VPS45: variants seen among roughly 807,000 people sequenced by gnomAD.
VPS45 encodes vacuolar protein sorting-associated protein 45.
VPS45 carries 35 observed loss-of-function variants against 75.9 expected under a neutral mutation model. The observed-to-expected ratio is 0.46, with a 90% CI of 0.35 to 0.61. The LOEUF (loss-of-function observed/expected upper bound fraction) is 0.61, where lower values mean the gene tolerates loss of function less well. Ranked by LOEUF, VPS45 falls within the 20% of genes least tolerant of loss-of-function variation. VPS45 has a pLI of 0.00. For missense variants in VPS45, 559 were observed against 685.9 expected, an observed-to-expected ratio of 0.81 and a Z score of 2.07; for synonymous variants, 220 against 238.2, an observed-to-expected ratio of 0.92 and a Z score of 0.70.
At chr1:150,092,933 C>T (rs587774910) in intron 12 of VPS45, among the ~76,000 whole-genome samples, 42 of 144,778 alleles carry the variant, frequency 2.9e-4, no homozygotes, top group Admixed American at 2.2e-4. Flanking sequence ...GCTCTGCCTC[C>T]CGGGTTTTAC....
intron 14 of VPS45, among the ~76,000 whole-genome samples, chr1:150,118,451 G>T (rs1354199169): frequency 6.6e-6 from 1 of 151,936 alleles, no homozygotes; most frequent in East Asian, 1.9e-4. Flanking sequence ...TGTCGCCCAG[G>T]CTGGAGTGCA....
chr1:150,083,501 C>T (rs1166601339), intron 10 of VPS45, among the ~76,000 whole-genome samples: 1 of 151,636 alleles, frequency 6.6e-6, no homozygotes, highest in African/African-American at 2.4e-5. Context: ...GAGGTATTTA[C>T]AAAGGAATAT....
chr1:150,119,572 G>T (rs1658121490), intron 14 of VPS45, among the ~76,000 whole-genome samples: 1 of 152,114 alleles, frequency 6.6e-6, no homozygotes, highest in African/African-American at 2.4e-5. Context: ...GATTTGCCGC[G>T]ATATTGCTCT....
intron 14 of VPS45, among the ~76,000 whole-genome samples, chr1:150,130,452 A>G (rs2101646891): frequency 6.6e-6 from 1 of 152,220 alleles, no homozygotes; most frequent in East Asian, 1.9e-4. Context: ...TCAGCCTCCC[A>G]AAGTGCTGAG....
chr1:150,129,390 A>C (rs1181364973), intron 14 of VPS45, among the ~76,000 whole-genome samples: 1 of 152,146 alleles, frequency 6.6e-6, no homozygotes, highest in Non-Finnish European at 1.5e-5. Context: ...TGTAAAAAAG[A>C]AATTTAAAAA....
At chr1:150,106,727 G>C (rs1295633646) in intron 13 of VPS45, among the ~76,000 whole-genome samples, 2 of 151,820 alleles carry the variant, frequency 1.3e-5, no homozygotes, top group Admixed American at 1.3e-4. Context: ...ATTTTCTTTT[G>C]TTAAATAATA....
chr1:150,119,855 T>A (rs1658140041), intron 14 of VPS45, among the ~76,000 whole-genome samples: 1 of 152,232 alleles, frequency 6.6e-6, no homozygotes, highest in Non-Finnish European at 1.5e-5. Flanking sequence ...ATGCCTGTAA[T>A]CCCAGCACTT....
Position 150,081,962 on chromosome 1 carries a change from G to C in VPS45, c.901G>C (p.Glu301Gln). 1 of 1,612,458 alleles carries C rather than the reference G, an allele frequency of 6.2e-7. No individual in the cohort carries two copies. Among genetic ancestry groups the C allele is most frequent in the Non-Finnish European group, 8.5e-7 (1 of 1,179,164 alleles). ...AGATTTTCAGAAGAAGAAACCAAAA[G>C]AACAGCAAAAACTAGAATCAATAGC... ...MEDFQKKKPK[E>Q]QQKLESIADM... Residue 301 changes from glutamate (E) to glutamine (Q), a missense_variant, in exon 9 of 15, where the codon GAA (glutamate) becomes CAA (glutamine). By Grantham distance (29) the Glu-to-Gln change is conservative. Coordinates refer to ENST00000644510, the MANE Select transcript of VPS45 (RefSeq NM_007259.5).
intron 10 of VPS45, among the ~76,000 whole-genome samples, chr1:150,088,751 T>G (rs1225856651): frequency 7.2e-5 from 11 of 152,070 alleles, no homozygotes; most frequent in Non-Finnish European, 1.5e-4. Flanking sequence ...AGTGCTGGGA[T>G]TATAGACCTG....
At chr1:150,102,270 C>T (rs587682804) in intron 13 of VPS45, among the ~76,000 whole-genome samples, 34 of 145,702 alleles carry the variant, frequency 2.3e-4, no homozygotes, top group African/African-American at 7.7e-4. Context: ...ACATGCATGG[C>T]CAGGTTGGGT....
rs369167281 is a variant in VPS45 at position 150,117,212 on chromosome 1, AAAT to A, written c.1625+6603_1625+6605del. 4.7e-5 allele frequency among the ~76,000 whole-genome samples: 7 copies of A among 150,310 alleles called. No homozygotes were observed. The East Asian group carries it at 7.8e-4, about 17-fold the overall frequency. On this transcript the variant is annotated intron_variant, in intron 14 of 14. Transcript: ENST00000644510. Reference sequence around the variant, plus strand: ...GGCGACTCCGTCTCAAAAAATAATAAAATAATAATAATAATAATAAGTAGGGGG... The same window carrying A: ...GGCGACTCCGTCTCAAAAAATAATAAAATAATAATAATAATAAGTAGGGGG...
intron 3 of VPS45, among the ~76,000 whole-genome samples, chr1:150,072,639 A>G (rs1351393907): frequency 3.7e-5 from 5 of 135,624 alleles, no homozygotes; most frequent in Admixed American, 3.2e-4. Flanking sequence ...CCTGGGCAAC[A>G]AAGCGAAACT....
rs587627562 is a variant in VPS45, at chr1:150,130,560, A to G, written c.1626-14149A>G. Among the ~76,000 whole-genome samples the G allele has an allele frequency of 3.9e-5, 6 of 152,266 alleles. No individual in the cohort carries two copies. In the East Asian group the frequency reaches 1.2e-3, roughly 29 times the overall value. ...GTGCTTTCAATGAAAATGCTTATCT[A>G]TATCATTTTTAATAACTGAATTATA... On this transcript the variant is annotated intron_variant, in intron 14 of 14. Coordinates refer to ENST00000644510, the MANE Select transcript of VPS45 (RefSeq NM_007259.5).
At chr1:150,102,877 G>C (rs1657117274) in intron 13 of VPS45, among the ~76,000 whole-genome samples, 1 of 152,100 alleles carries the variant, frequency 6.6e-6, no homozygotes, top group South Asian at 2.1e-4. Flanking sequence ...AGCAGGAAGG[G>C]TCAAAGGAGG....
chr1:150,122,002 G>A (rs1658258935), intron 14 of VPS45, among the ~76,000 whole-genome samples: 1 of 152,104 alleles, frequency 6.6e-6, no homozygotes, highest in African/African-American at 2.4e-5. Context: ...ACTCAGTATG[G>A]TATCAGGAAA....
Position 150,145,093 on chromosome 1 carries a change from G to A in VPS45, c.*297G>A. 1 of 630,124 alleles carries A rather than the reference G, an allele frequency of 1.6e-6. No individual in the cohort carries two copies. Among genetic ancestry groups the A allele is most frequent in the East Asian group, 2.8e-5 (1 of 36,182 alleles). The allele number at this position is 630,124 out of a possible 1,614,324, so 39.0% of individuals were successfully genotyped here. ...CTGACTTGGGGAAAGGGTTATCAGAGCCTAGAGGGGCTTAAAAAGTAATCA... is the reference window on the plus strand; with the variant it reads ...CTGACTTGGGGAAAGGGTTATCAGAACCTAGAGGGGCTTAAAAAGTAATCA... On this transcript the variant is annotated 3_prime_UTR_variant, in exon 15 of 15. Transcript: ENST00000644510.
intron 14 of VPS45, among the ~76,000 whole-genome samples, chr1:150,137,399 A>G (rs1286787338): frequency 6.6e-6 from 1 of 152,258 alleles, no homozygotes; most frequent in African/African-American, 2.4e-5. Context: ...CAAGATGTGC[A>G]CTAACTAGTA....
chr1:150,134,605 A>C lies in VPS45; in HGVS notation c.1626-10104A>C, dbSNP rs77848367. Among the ~76,000 whole-genome samples, 303 of 152,284 alleles carry C rather than the reference A, an allele frequency of 2.0e-3. 10 individuals are homozygous for C. In the East Asian group the frequency reaches 0.049, roughly 25 times the overall value. ...AAGATTGTGTTTTTAGCACTTACCT[A>C]TGTATTTCTAAATAACACATTGTTT... On this transcript the variant is annotated intron_variant, in intron 14 of 14. Transcript: ENST00000644510.
At chr1:150,125,551 C>A (rs1658466385) in intron 14 of VPS45, among the ~76,000 whole-genome samples, 1 of 122,324 alleles carries the variant, frequency 8.2e-6, no homozygotes, top group Non-Finnish European at 1.6e-5. Context: ...ATCGCAAGGA[C>A]AAAAAACCAA....
Sources: gnomAD v4.1 joint callset for allele counts (sites outside exome capture counted in the v4.1 genomes callset) on GRCh38, gnomAD v4.1.1 for gene constraint, MANE v1.5 for transcripts, NCBI Gene and HGNC (gene_info 2026-07-23, HGNC 2026-07-21) for gene names.